Variants in SLC35F1 observed in about 807,000 individuals in gnomAD.
SLC35F1 encodes the protein solute carrier family 35 member F1, also known as chromosome 6 open reading frame 169.
Under a neutral mutation model 48.7 loss-of-function variants are expected in SLC35F1, and 14 were observed. The observed-to-expected ratio is 0.29, with a 90% CI of 0.19 to 0.45. SLC35F1 has a LOEUF of 0.45. Among genes scored for constraint, SLC35F1 ranks in the 20% least tolerant of loss-of-function variants. The pLI is 1.00. For synonymous variants in SLC35F1, 190 were observed against 202.2 expected, an observed-to-expected ratio of 0.94 and a Z score of 0.51; for missense variants, 404 against 500.0, an observed-to-expected ratio of 0.81 and a Z score of 1.83.
intron 1 of SLC35F1, among the ~76,000 whole-genome samples, chr6:117,997,413 A>G (rs1055373940): frequency 3.3e-5 from 5 of 152,192 alleles, no homozygotes; most frequent in Admixed American, 3.3e-4. Context: ...AGATTCAGGA[A>G]ATACAGAGAA....
intron 1 of SLC35F1, among the ~76,000 whole-genome samples, chr6:117,972,434 A>G (rs1201150568): frequency 6.6e-6 from 1 of 152,226 alleles, no homozygotes; most frequent in Non-Finnish European, 1.5e-5. Flanking sequence ...TGTTTACAGC[A>G]GTGCCCCCAC....
chr6:118,170,090 T>C (rs1226391699), intron 2 of SLC35F1, among the ~76,000 whole-genome samples: 1 of 152,168 alleles, frequency 6.6e-6, no homozygotes, highest in African/African-American at 2.4e-5. Flanking sequence ...GCAAATAATA[T>C]TTCAGGCACA....
At chr6:118,217,267 G>T (rs1234184017) in intron 2 of SLC35F1, among the ~76,000 whole-genome samples, 1 of 152,130 alleles carries the variant, frequency 6.6e-6, no homozygotes, top group African/African-American at 2.4e-5. Context: ...TAAACAAAAT[G>T]TGGTATATCC....
At chr6:117,978,815 G>T (rs1776736774) in intron 1 of SLC35F1, among the ~76,000 whole-genome samples, 1 of 152,158 alleles carries the variant, frequency 6.6e-6, no homozygotes, top group Non-Finnish European at 1.5e-5. Context: ...TTCTGTATAA[G>T]CCTGTCCCAT....
At chr6:117,987,161 G>A (rs1776858113) in intron 1 of SLC35F1, among the ~76,000 whole-genome samples, 1 of 152,096 alleles carries the variant, frequency 6.6e-6, no homozygotes, top group Non-Finnish European at 1.5e-5. Flanking sequence ...AGCTATATAT[G>A]TGCACATCTG....
chr6:118,229,001 A>T (rs1775254638), intron 2 of SLC35F1, among the ~76,000 whole-genome samples: 1 of 151,258 alleles, frequency 6.6e-6, no homozygotes, highest in African/African-American at 2.4e-5. Context: ...CACTTTTATT[A>T]TATACTCAGA....
At chr6:117,974,792 G>A (rs1027734305) in intron 1 of SLC35F1, among the ~76,000 whole-genome samples, 1 of 152,178 alleles carries the variant, frequency 6.6e-6, no homozygotes, top group African/African-American at 2.4e-5. Context: ...TTTTTAAATT[G>A]TGTTTTCCAA....
intron 2 of SLC35F1, among the ~76,000 whole-genome samples, chr6:118,195,088 C>A (rs1774783445): frequency 6.6e-6 from 1 of 152,120 alleles, no homozygotes; most frequent in Non-Finnish European, 1.5e-5. Flanking sequence ...TCAAACTTGC[C>A]CCCGGTTGGG....
chr6:118,160,462 CT>C (rs1774213793), intron 2 of SLC35F1, among the ~76,000 whole-genome samples: 1 of 152,140 alleles, frequency 6.6e-6, no homozygotes, highest in Non-Finnish European at 1.5e-5. Context: ...TGAAACAAGT[CT>C]CTAATAGTGC....
At chr6:118,075,231 C>G (rs1385784085) in intron 1 of SLC35F1, among the ~76,000 whole-genome samples, 1 of 152,164 alleles carries the variant, frequency 6.6e-6, no homozygotes, top group Non-Finnish European at 1.5e-5. Context: ...CAGAACATTT[C>G]TCACTTTTAA....
intron 1 of SLC35F1, among the ~76,000 whole-genome samples, chr6:117,971,258 A>C (rs1159500413): frequency 6.6e-6 from 1 of 152,146 alleles, no homozygotes; most frequent in Non-Finnish European, 1.5e-5. Flanking sequence ...ATCTCATTTG[A>C]CTCCATGTCT....
intron 7 of SLC35F1, among the ~76,000 whole-genome samples, chr6:118,290,749 C>T (rs543499176): frequency 4.6e-5 from 7 of 151,924 alleles, no homozygotes; most frequent in Non-Finnish European, 1.0e-4. Flanking sequence ...CACTAAGAGG[C>T]CCCCAGGTTT....
At chr6:117,988,011 T>C (rs543857687) in intron 1 of SLC35F1, among the ~76,000 whole-genome samples, 1 of 152,240 alleles carries the variant, frequency 6.6e-6, no homozygotes, top group East Asian at 1.9e-4. Context: ...CCAGGCTTTC[T>C]AGCTCCACAG....
At chr6:117,972,590 G>A (rs7742998) in intron 1 of SLC35F1, among the ~76,000 whole-genome samples, 56,831 of 152,076 alleles carry the variant, frequency 0.37, 11,129 homozygotes, top group South Asian at 0.52. Context: ...GGCAGAAGGC[G>A]AAGGAGGAGC....
chr6:118,214,115 A>G (rs1489218702), intron 2 of SLC35F1, among the ~76,000 whole-genome samples: 3 of 152,288 alleles, frequency 2.0e-5, no homozygotes, highest in East Asian at 1.9e-4. Context: ...TGATTTATTC[A>G]TTCACTCTTC....
intron 3 of SLC35F1, among the ~76,000 whole-genome samples, chr6:118,248,360 C>G (rs1411369972): frequency 6.6e-6 from 1 of 152,002 alleles, no homozygotes; most frequent in East Asian, 1.9e-4. Context: ...CTTTACATAG[C>G]AAAAAAGACT....
rs186871890 is a variant in SLC35F1, at chr6:117,978,206, T to C, written c.173+70307T>C. ...CTGATTTTTTCATGCTTTAGAAATG[T>C]CCAATAACAGAAATAAGGGCCTATT... On this transcript the variant is annotated intron_variant, in intron 1 of 7. Coordinates refer to ENST00000360388, the MANE Select transcript of SLC35F1 (RefSeq NM_001029858.4). 1.0e-3 allele frequency among the ~76,000 whole-genome samples: 159 copies of C among 152,152 alleles called. 2 individuals carry two copies. The East Asian group carries it at 0.026, about 25-fold the overall frequency.
At chr6:118,013,762 C>G (rs1777283479) in intron 1 of SLC35F1, among the ~76,000 whole-genome samples, 2 of 152,104 alleles carry the variant, frequency 1.3e-5, no homozygotes, top group African/African-American at 4.8e-5. Flanking sequence ...ATGCTCTAGT[C>G]ATAGCTTATT....
intron 1 of SLC35F1, among the ~76,000 whole-genome samples, chr6:117,932,588 G>A (rs1246463280): frequency 1.3e-5 from 2 of 152,170 alleles, no homozygotes; most frequent in Non-Finnish European, 2.9e-5. Context: ...CTCAAGCATA[G>A]AGGCTTTTCT....
Sources: gnomAD v4.1 joint callset for allele counts (sites outside exome capture counted in the v4.1 genomes callset) on GRCh38, gnomAD v4.1.1 for gene constraint, MANE v1.5 for transcripts, NCBI Gene and HGNC (gene_info 2026-07-23, HGNC 2026-07-21) for gene names.